Variants in MAN1C1 observed in about 807,000 individuals in gnomAD.
MAN1C1 encodes the protein mannosyl-oligosaccharide 1,2-alpha-mannosidase IC.
In MAN1C1, 49 loss-of-function variants were observed where a neutral mutation model predicts 71.5. The observed-to-expected ratio is 0.69, with a 90% confidence interval of 0.54 to 0.87. The LOEUF (loss-of-function observed/expected upper bound fraction) is 0.87, where lower values mean the gene tolerates loss of function less well. Among genes scored for constraint, MAN1C1 ranks in the 40% least tolerant of loss-of-function variants. MAN1C1 has a pLI of 0.00. For missense variants in MAN1C1, 743 were observed against 835.0 expected (o/e 0.89, Z 1.36); for synonymous variants, 352 against 343.7 (o/e 1.02, Z -0.27).
At chr1:25,743,763 G>A (rs945097634) in intron 2 of MAN1C1, among the ~76,000 whole-genome samples, 1 of 152,220 alleles carries the variant, frequency 6.6e-6, no homozygotes, top group Non-Finnish European at 1.5e-5. Flanking sequence ...GGCGCATGGG[G>A]TGAAAACACC....
In MAN1C1 at chr1:25,618,165, CGGCCCGGGGCAATAGCATCCCGGCCTCCA is replaced by C; in HGVS notation, c.378_406del (p.Asn127ArgfsTer8). The stretch of plus-strand genomic sequence containing the variant: ...ACTGGACCCCGCGAGGAGGCCACGG[CGGCCCGGGGCAATAGCATCCCGGCCTCCA>C]GGCCCGGGGACGAGGGCGTCCCTTT... On this transcript the variant is annotated frameshift_variant, in exon 1 of 12. Coordinates refer to ENST00000374332, the MANE Select transcript of MAN1C1 (RefSeq NM_020379.4). LOFTEE classifies it high-confidence loss of function. The C allele has an allele frequency of 6.4e-7, 1 of 1,550,796 alleles. No homozygotes were observed.
chr1:25,685,165 C>G (rs1374417083), intron 1 of MAN1C1, among the ~76,000 whole-genome samples: 1 of 152,258 alleles, frequency 6.6e-6, no homozygotes, highest in African/African-American at 2.4e-5. Context: ...TCCCACTACA[C>G]TCTTTCATTT....
chr1:25,647,886 T>C (rs1316147917), intron 1 of MAN1C1, among the ~76,000 whole-genome samples: 2 of 152,074 alleles, frequency 1.3e-5, no homozygotes, highest in East Asian at 3.9e-4. Context: ...TAGGGTAGGA[T>C]AGGGGTCTGA....
chr1:25,628,133 T>C (rs1473648035), intron 1 of MAN1C1, among the ~76,000 whole-genome samples: 2 of 152,148 alleles, frequency 1.3e-5, no homozygotes, highest in Non-Finnish European at 2.9e-5. Flanking sequence ...TCTATGAATG[T>C]GGTATCTGTC....
chr1:25,684,887 C>CCAG (rs1378216978), intron 1 of MAN1C1, among the ~76,000 whole-genome samples: 1 of 152,198 alleles, frequency 6.6e-6, no homozygotes, highest in Non-Finnish European at 1.5e-5. Flanking sequence ...GGCCCCTGGG[C>CCAG]CAGCAGCAGC....
chr1:25,644,518 A>ATATATATATATATTTTTTTT (rs61386117), intron 1 of MAN1C1: 2 of 40,290 alleles, frequency 5.0e-5, no homozygotes, highest in African/African-American at 3.8e-4. Context: ...ATATATATAT[A>ATATATATATATATTTTTTTT]TTTTTTTTTT....
intron 7 of MAN1C1, among the ~76,000 whole-genome samples, chr1:25,770,478 A>T (rs575444444): frequency 4.4e-4 from 66 of 151,528 alleles, no homozygotes; most frequent in African/African-American, 1.4e-3. Context: ...CTCTGTCTTC[A>T]CTCTCTGGTT....
intron 1 of MAN1C1, among the ~76,000 whole-genome samples, chr1:25,624,418 TGTTG>T (rs1331800120): frequency 2.0e-5 from 3 of 152,146 alleles, no homozygotes; most frequent in Non-Finnish European, 2.9e-5. Context: ...CCTAGAAGGC[TGTTG>T]CCTAAGATTT....
chr1:25,758,207 T>A (rs2047314751), intron 5 of MAN1C1, among the ~76,000 whole-genome samples: 1 of 152,214 alleles, frequency 6.6e-6, no homozygotes, highest in South Asian at 2.1e-4. Context: ...AGCCATCCGG[T>A]GCCTTCAGCC....
chr1:25,726,436 T>G (rs995866975), intron 2 of MAN1C1, among the ~76,000 whole-genome samples: 9 of 152,202 alleles, frequency 5.9e-5, no homozygotes, highest in Non-Finnish European at 1.3e-4. Context: ...AGCCACTGAC[T>G]ACCAGATCCC....
chr1:25,769,099 T>C lies in MAN1C1; in HGVS notation c.1142-2558T>C, dbSNP rs1172836277. Reference sequence around the variant, plus strand: ...CCACACACACACCTATCACCCACACTCCCTCCCACACACACACCACACACT... The same window carrying C: ...CCACACACACACCTATCACCCACACCCCCTCCCACACACACACCACACACT... On this transcript the variant is annotated intron_variant, in intron 7 of 11. Coordinates refer to ENST00000374332, the MANE Select transcript of MAN1C1 (RefSeq NM_020379.4). This position sits in a 1 kb window ranked among gnomAD's most constrained non-coding sequence, Gnocchi z 4.8. 5.3e-5 allele frequency among the ~76,000 whole-genome samples: 4 copies of C among 74,778 alleles called. No individual in the cohort carries two copies. The highest frequency in any genetic ancestry group is 1.3e-4 in the Admixed American group (1 of 7,564). The allele number at this position is 74,778 out of a possible 152,430, so 49.1% of individuals were successfully genotyped here.
intron 2 of MAN1C1, among the ~76,000 whole-genome samples, chr1:25,718,840 T>A (rs2046719848): frequency 6.6e-6 from 1 of 152,162 alleles, no homozygotes; most frequent in Non-Finnish European, 1.5e-5. Context: ...TTGATGGACA[T>A]TTGGGTTGTT....
chr1:25,652,803 A>G (rs1270362378), intron 1 of MAN1C1, among the ~76,000 whole-genome samples: 3 of 152,144 alleles, frequency 2.0e-5, no homozygotes, highest in East Asian at 1.9e-4. Context: ...TGTTTAATCA[A>G]TGTCGGCTTT....
At chr1:25,726,434 A>G (rs192937834) in intron 2 of MAN1C1, among the ~76,000 whole-genome samples, 42 of 152,330 alleles carry the variant, frequency 2.8e-4, no homozygotes, top group Admixed American at 2.7e-3. Context: ...ACAGCCACTG[A>G]CTACCAGATC....
At chr1:25,690,420 G>A (rs907475832) in intron 2 of MAN1C1, among the ~76,000 whole-genome samples, 1 of 151,696 alleles carries the variant, frequency 6.6e-6, no homozygotes, top group Admixed American at 6.6e-5. Flanking sequence ...AGCCTCCTGA[G>A]TAGCTGGGAT....
At chr1:25,771,988 T>C in intron 8 of MAN1C1, 1 of 538,194 alleles carries the variant, frequency 1.9e-6, no homozygotes. Flanking sequence ...TGGGGCTTTG[T>C]TAGATGTGAA....
chr1:25,647,635 C>T (rs2045634089), intron 1 of MAN1C1, among the ~76,000 whole-genome samples: 1 of 152,130 alleles, frequency 6.6e-6, no homozygotes. Flanking sequence ...AATCTCTGGC[C>T]AGGACCCAGT....
intron 2 of MAN1C1, among the ~76,000 whole-genome samples, chr1:25,721,162 GA>G (rs1203595316): frequency 1.3e-5 from 2 of 151,782 alleles, no homozygotes; most frequent in Non-Finnish European, 2.9e-5. Flanking sequence ...ATTTCCATAT[GA>G]ATTTTTTTTA....
At position 25,617,217 on chromosome 1, in the gene MAN1C1, T is replaced by G. The variant is rs1176084047; in HGVS notation, c.-581T>G. 1.3e-5 allele frequency among the ~76,000 whole-genome samples: 2 copies of G among 150,708 alleles called. No homozygotes were observed. The highest frequency in any genetic ancestry group is 6.6e-5 in the Admixed American group (1 of 15,202). ...GGAGAAAGTTGTGGACGTGTCCCGA[T>G]AGTCGAGCCCGGGCGCTGTCGCGAC... On this transcript the variant is annotated 5_prime_UTR_variant, in exon 1 of 12. Coordinates refer to ENST00000374332, the MANE Select transcript of MAN1C1 (RefSeq NM_020379.4). The surrounding 1 kb of genome is among the most constrained non-coding windows in gnomAD (Gnocchi z 5.1).
Sources: allele counts gnomAD v4.1 joint callset (sites outside exome capture counted in the v4.1 genomes callset), GRCh38; gene constraint gnomAD v4.1.1; non-coding constraint Gnocchi (gnomAD v3.1); transcripts MANE v1.5; gene names NCBI Gene and HGNC (gene_info 2026-07-23, HGNC 2026-07-21).